The following ANKFY1 variants were observed in gnomAD, a reference collection of about 807,000 sequenced individuals.
The protein encoded by ANKFY1 is ankyrin repeat and FYVE domain-containing protein 1.
In ANKFY1, 47 loss-of-function variants were observed where a neutral mutation model predicts 128.3. The observed-to-expected ratio is 0.37, with a 90% confidence interval of 0.29 to 0.47. The LOEUF is 0.47. Among genes scored for constraint, ANKFY1 ranks in the 20% least tolerant of loss-of-function variants. The pLI is 1.00. For synonymous variants in ANKFY1, 553 were observed against 601.6 expected (o/e 0.92, Z 1.18); for missense variants, 1,222 against 1,510.6 (o/e 0.81, Z 3.17).
intron 1 of ANKFY1, among the ~76,000 whole-genome samples, chr17:4,256,142 C>T (rs538320423): frequency 8.4e-4 from 127 of 151,602 alleles, no homozygotes; most frequent in Non-Finnish European, 1.4e-3. Flanking sequence ...TAAAAGCTCC[C>T]AGGTGGCCAG....
intron 7 of ANKFY1, among the ~76,000 whole-genome samples, chr17:4,201,167 G>C (rs543449637): frequency 1.6e-4 from 24 of 152,154 alleles, no homozygotes; most frequent in African/African-American, 5.8e-4. Context: ...AGTAGCTAGG[G>C]GTACAGGCGC....
chr17:4,203,743 A>G (rs530833573), intron 7 of ANKFY1, among the ~76,000 whole-genome samples: 1 of 147,208 alleles, frequency 6.8e-6, no homozygotes, highest in African/African-American at 2.5e-5. Context: ...TGAACCTGGG[A>G]GGCAGAGGTT....
At chr17:4,186,753 C>T in intron 11 of ANKFY1, 1 of 948,300 alleles carries the variant, frequency 1.1e-6, no homozygotes, top group Non-Finnish European at 1.3e-6. Context: ...CTGTTCCAGA[C>T]CTTCTTCCTA....
intron 1 of ANKFY1, among the ~76,000 whole-genome samples, chr17:4,248,325 CCGCG>C (rs913381650): frequency 6.6e-6 from 1 of 152,196 alleles, no homozygotes; most frequent in Non-Finnish European, 1.5e-5. Context: ...CTCCTGTGAA[CCGCG>C]CATGCGAGGG....
chr17:4,197,536 A>C lies in ANKFY1; in HGVS notation c.940T>G (p.Phe314Val). 6.2e-7 allele frequency: 1 copy of C among 1,614,182 alleles called. No homozygotes were observed. The highest frequency in any genetic ancestry group is 1.1e-5 in the South Asian group (1 of 91,080). The change falls in exon 8 of 25, where the codon TTT (phenylalanine) becomes GTT (valine). Residue 314 changes from phenylalanine to valine, a missense_variant. Phe to Val is a conservative substitution (Grantham distance 50). Transcript: ENST00000341657. Reference protein sequence around the residue: ...AATFLIKNGAFVNAATLGAQE... With the variant: ...AATFLIKNGAVVNAATLGAQE... Reference sequence around the variant, plus strand: ...GCACCCAGTGTAGCAGCGTTGACAAAGGCCCCATTCTTAATGAGGAAAGTG... The same window carrying C: ...GCACCCAGTGTAGCAGCGTTGACAACGGCCCCATTCTTAATGAGGAAAGTG...
Position 4,164,874 on chromosome 17 carries a change from T to C in ANKFY1, c.*2905A>G, listed in dbSNP as rs952773541. ...TCAGAAATGACTCGGGGCTCTGAGG[T>C]AGAGGACTAAAGGTCACGTAGACCC... On this transcript the variant is annotated 3_prime_UTR_variant, in exon 25 of 25. Coordinates refer to ENST00000341657, the MANE Select transcript of ANKFY1 (RefSeq NM_001330063.2). The C allele has an allele frequency of 6.6e-6, 1 of 152,464 alleles. No homozygotes were observed. Among genetic ancestry groups the C allele is most frequent in the Non-Finnish European group, 1.5e-5 (1 of 68,022 alleles). The allele number at this position is 152,464 out of a possible 1,614,324, so 9.4% of individuals were successfully genotyped here.
intron 24 of ANKFY1, 200 bp downstream of exon 24, chr17:4,168,998 T>G: frequency 1.8e-6 from 1 of 542,140 alleles, no homozygotes; most frequent in South Asian, 2.4e-5. Context: ...AAGCCACCCG[T>G]CTGCAGGCTC....
chr17:4,224,457 T>C (rs2060387516), intron 3 of ANKFY1, among the ~76,000 whole-genome samples: 1 of 152,094 alleles, frequency 6.6e-6, no homozygotes, highest in Non-Finnish European at 1.5e-5. Context: ...TTTTTAATGT[T>C]ATTTTTTATC....
At position 4,178,645 on chromosome 17, in the gene ANKFY1, C is replaced by T. The variant is rs575377180; in HGVS notation, c.2598+212G>A. ...CCACTGCCTCCGCTTCCATCGAAGC[C>T]GGGCACTGTCAGGCGCTGACACACA... On this transcript the variant is annotated intron_variant, in intron 18 of 24. Transcript: ENST00000341657. The surrounding 1 kb of genome is among the most constrained non-coding windows in gnomAD (Gnocchi z 4.1). 13 of 588,780 alleles carry T rather than the reference C, an allele frequency of 2.2e-5. No homozygotes were observed. The highest frequency in any genetic ancestry group is 1.2e-4 in the South Asian group (6 of 49,192). 36.5% of individuals were successfully genotyped at this position (588,780 alleles called of 1,614,324 possible). A position where few individuals can be genotyped will look rare whatever the true frequency, so the allele number is the denominator to read the frequency against.
intron 7 of ANKFY1, among the ~76,000 whole-genome samples, chr17:4,201,448 G>A (rs912177105): frequency 5.3e-5 from 8 of 150,092 alleles, no homozygotes; most frequent in Admixed American, 5.3e-4. Flanking sequence ...ATGCTGACTC[G>A]CTCCTCAGAT....
intron 1 of ANKFY1, among the ~76,000 whole-genome samples, chr17:4,244,348 G>C (rs1258283588): frequency 1.3e-5 from 2 of 152,164 alleles, no homozygotes; most frequent in East Asian, 3.9e-4. Context: ...AGCCTATAAA[G>C]CAAGTTAATG....
At chr17:4,239,531 G>T (rs1327740686) in intron 2 of ANKFY1, among the ~76,000 whole-genome samples, 1 of 151,964 alleles carries the variant, frequency 6.6e-6, no homozygotes, top group Non-Finnish European at 1.5e-5. Flanking sequence ...ACTGTTATTT[G>T]CATCCTCGAA....
Position 4,242,578 on chromosome 17 carries a change from T to C in ANKFY1, c.11-130A>G, listed in dbSNP as rs747396571. 242 of 785,910 alleles carry C rather than the reference T, an allele frequency of 3.1e-4. 1 individual carries two copies. The highest frequency in any genetic ancestry group is 7.5e-5 in the Non-Finnish European group (39 of 517,870). The allele number at this position is 785,910 out of a possible 1,614,324, so 48.7% of individuals were successfully genotyped here. ...ACTTGACCGTTCCACTCTTTCTTAGTGATAGTCCTACAGGATCAAGAATGG... is the reference window on the plus strand; with the variant it reads ...ACTTGACCGTTCCACTCTTTCTTAGCGATAGTCCTACAGGATCAAGAATGG... On this transcript the variant is annotated intron_variant, in intron 1 of 24. Coordinates refer to ENST00000341657, the MANE Select transcript of ANKFY1 (RefSeq NM_001330063.2).
chr17:4,239,903 CAA>C, intron 2 of ANKFY1, among the ~76,000 whole-genome samples: 1 of 152,050 alleles, frequency 6.6e-6, no homozygotes, highest in East Asian at 1.9e-4. Context: ...CCTAGTGGCT[CAA>C]GTCCTTCCTT....
intron 19 of ANKFY1, among the ~76,000 whole-genome samples, chr17:4,175,451 C>A (rs1406967167): frequency 1.3e-5 from 2 of 152,190 alleles, no homozygotes; most frequent in Non-Finnish European, 2.9e-5. Flanking sequence ...AGTTCGTCAT[C>A]CTCTTTCTGA....
intron 2 of ANKFY1, 151 bp from the exon 3 acceptor site, chr17:4,236,041 T>C: frequency 5.0e-6 from 3 of 595,540 alleles, no homozygotes; most frequent in Non-Finnish European, 6.0e-6. Context: ...ATGCTAGCAC[T>C]GAATTCTGGT....
intron 10 of ANKFY1, among the ~76,000 whole-genome samples, chr17:4,190,159 T>C (rs1424990949): frequency 2.6e-5 from 4 of 152,168 alleles, no homozygotes; most frequent in Admixed American, 1.3e-4. Flanking sequence ...CTGTAGATGT[T>C]GGCCAGTGTG....
At chr17:4,218,237 T>C (rs990882885) in intron 3 of ANKFY1, among the ~76,000 whole-genome samples, 5 of 152,182 alleles carry the variant, frequency 3.3e-5, no homozygotes, top group African/African-American at 4.8e-5. Flanking sequence ...AGAAAATAAC[T>C]GGACAGATAA....
chr17:4,236,616 T>A (rs1966922032), intron 2 of ANKFY1, among the ~76,000 whole-genome samples: 1 of 152,122 alleles, frequency 6.6e-6, no homozygotes, highest in Non-Finnish European at 1.5e-5. Flanking sequence ...AACAAAAACG[T>A]CAAGATGACC....
Sources: gnomAD v4.1 joint callset for allele counts (sites outside exome capture counted in the v4.1 genomes callset) on GRCh38, gnomAD v4.1.1 for gene constraint, Gnocchi (gnomAD v3.1) non-coding constraint, MANE v1.5 for transcripts, NCBI Gene and HGNC (gene_info 2026-07-23, HGNC 2026-07-21) for gene names.